Variants in PHF20 observed in about 807,000 individuals in gnomAD.
PHF20 encodes PHD finger protein 20.
PHF20 carries 23 observed loss-of-function variants against 113.5 expected under a neutral mutation model. That is an observed-to-expected ratio of 0.20 (90% CI 0.15 to 0.29). PHF20 has a LOEUF of 0.29. Among genes scored for constraint, PHF20 ranks in the 10% least tolerant of loss-of-function variants. The pLI, the probability that PHF20 is intolerant of heterozygous loss-of-function variation, is 1.00. For missense variants in PHF20, 943 were observed against 1,219.6 expected (o/e 0.77, Z 3.38); for synonymous variants, 434 against 457.3 (o/e 0.95, Z 0.65).
intron 1 of PHF20, among the ~76,000 whole-genome samples, chr20:35,773,011 G>A (rs2041095047): frequency 6.6e-6 from 1 of 152,168 alleles, no homozygotes; most frequent in Non-Finnish European, 1.5e-5. Context: ...TCACAAATAA[G>A]GGAATTCACT....
chr20:35,805,661 G>A (rs1302174665), intron 2 of PHF20, among the ~76,000 whole-genome samples: 1 of 151,600 alleles, frequency 6.6e-6, no homozygotes, highest in Non-Finnish European at 1.5e-5. Context: ...TAAATTTTTA[G>A]TAGAGATGAG....
chr20:35,915,038 A>G (rs1396666094), intron 12 of PHF20, among the ~76,000 whole-genome samples: 1 of 147,374 alleles, frequency 6.8e-6, no homozygotes, highest in Non-Finnish European at 1.5e-5. Flanking sequence ...GTAAAAAAAA[A>G]GGTAAAATGT....
intron 13 of PHF20, among the ~76,000 whole-genome samples, chr20:35,919,336 ATT>A (rs751803907): frequency 1.7e-4 from 19 of 112,598 alleles, no homozygotes; most frequent in African/African-American, 2.7e-4. Flanking sequence ...TGTTATGGTA[ATT>A]TTTTTTTTTT....
chr20:35,876,934 G>A (rs2054534741), intron 9 of PHF20, among the ~76,000 whole-genome samples: 2 of 150,118 alleles, frequency 1.3e-5, no homozygotes, highest in East Asian at 2.0e-4. Flanking sequence ...GTGAAACCCC[G>A]TCTCTACTAA....
intron 5 of PHF20, among the ~76,000 whole-genome samples, 184 bp from the exon 6 acceptor site, chr20:35,862,827 GTT>G (rs944638197): frequency 6.6e-6 from 1 of 152,186 alleles, no homozygotes; most frequent in Non-Finnish European, 1.5e-5. Context: ...TAATTGAATT[GTT>G]TTAAGTTTAA....
At chr20:35,781,613 G>T (rs1229618844) in intron 1 of PHF20, among the ~76,000 whole-genome samples, 1 of 152,040 alleles carries the variant, frequency 6.6e-6, no homozygotes, top group Non-Finnish European at 1.5e-5. Context: ...ATAATGTTGT[G>T]CAACCATCAC....
intron 2 of PHF20, among the ~76,000 whole-genome samples, chr20:35,822,760 C>T (rs769367764): frequency 6.7e-6 from 1 of 149,786 alleles, no homozygotes; most frequent in African/African-American, 2.5e-5. Flanking sequence ...ATCGCATGAG[C>T]CCAGGAGTTT....
intron 9 of PHF20, chr20:35,878,607 G>A (rs1270329785): frequency 2.0e-5 from 15 of 767,314 alleles, no homozygotes; most frequent in Non-Finnish European, 3.6e-5. Context: ...AAATTGAAGA[G>A]CAGGGGAAAT....
intron 9 of PHF20, among the ~76,000 whole-genome samples, chr20:35,897,711 T>C (rs1012285098): frequency 9.4e-5 from 14 of 149,308 alleles, no homozygotes; most frequent in Non-Finnish European, 1.9e-4. Context: ...GGACTACAGG[T>C]GCCCGACACC....
intron 1 of PHF20, among the ~76,000 whole-genome samples, chr20:35,788,019 C>G (rs968138014): frequency 6.6e-6 from 1 of 151,756 alleles, no homozygotes; most frequent in African/African-American, 2.4e-5. Context: ...CTTAAGTGAT[C>G]CACCTGCCTT....
chr20:35,882,462 C>T (rs1202794802), intron 9 of PHF20, among the ~76,000 whole-genome samples: 1 of 152,200 alleles, frequency 6.6e-6, no homozygotes, highest in Non-Finnish European at 1.5e-5. Flanking sequence ...GGGTTTTGCT[C>T]TGTCATCCAG....
At chr20:35,785,421 G>A (rs984575355) in intron 1 of PHF20, among the ~76,000 whole-genome samples, 111 of 152,146 alleles carry the variant, frequency 7.3e-4, no homozygotes, top group African/African-American at 2.5e-3. Context: ...CTGGGTTCAA[G>A]CGATTCTCCT....
At chr20:35,922,413 T>C (rs1314174238) in intron 13 of PHF20, among the ~76,000 whole-genome samples, 1 of 152,246 alleles carries the variant, frequency 6.6e-6, no homozygotes, top group Non-Finnish European at 1.5e-5. Flanking sequence ...CTTAAATCTT[T>C]ACCTTAAATT....
intron 2 of PHF20, among the ~76,000 whole-genome samples, chr20:35,823,454 A>C (rs6141568): frequency 1.3e-4 from 19 of 149,272 alleles, no homozygotes; most frequent in South Asian, 2.1e-4. Flanking sequence ...AAAAAAAAAA[A>C]CCATAATAAA....
At chr20:35,892,209 C>T (rs1441681648) in intron 9 of PHF20, among the ~76,000 whole-genome samples, 1 of 151,318 alleles carries the variant, frequency 6.6e-6, no homozygotes, top group African/African-American at 2.4e-5. Context: ...AGGCATGCAC[C>T]ACCACGCCTG....
At chr20:35,773,709 G>C (rs1439033355) in intron 1 of PHF20, among the ~76,000 whole-genome samples, 1 of 152,096 alleles carries the variant, frequency 6.6e-6, no homozygotes, top group East Asian at 1.9e-4. Flanking sequence ...CCTTGTGCTG[G>C]AGGTGGCCTC....
At chr20:35,810,500 A>G (rs2041958128) in intron 2 of PHF20, among the ~76,000 whole-genome samples, 1 of 152,090 alleles carries the variant, frequency 6.6e-6, no homozygotes, top group Non-Finnish European at 1.5e-5. Flanking sequence ...TGCCACACTG[A>G]GAGGGAGACT....
At chr20:35,853,935 G>C (rs1741243308) in intron 4 of PHF20, among the ~76,000 whole-genome samples, 1 of 151,786 alleles carries the variant, frequency 6.6e-6, no homozygotes, top group Non-Finnish European at 1.5e-5. Flanking sequence ...TTGTATTTTT[G>C]TAGAGATGGG....
At chr20:35,807,935 A>G (rs79591738) in intron 2 of PHF20, among the ~76,000 whole-genome samples, 5,359 of 152,068 alleles carry the variant, frequency 0.035, 153 homozygotes, top group African/African-American at 0.086. Flanking sequence ...AAAATGATAC[A>G]TTGTGATTTG....
Sources: allele counts gnomAD v4.1 joint callset (sites outside exome capture counted in the v4.1 genomes callset), GRCh38; gene constraint gnomAD v4.1.1; transcripts MANE v1.5; gene names NCBI Gene and HGNC (gene_info 2026-07-23, HGNC 2026-07-21).